The following NFKB1 variants were observed in gnomAD, a reference collection of about 807,000 sequenced individuals.
NFKB1 encodes nuclear factor kappa B subunit 1.
Under a neutral mutation model 105.1 loss-of-function variants are expected in NFKB1, and 9 were observed. That is an observed-to-expected ratio of 0.09 (90% CI 0.05 to 0.15). The LOEUF (loss-of-function observed/expected upper bound fraction) is 0.15. NFKB1 is among the 10% of genes least tolerant of loss of function. NFKB1 has a pLI of 1.00. For missense variants in NFKB1, 830 were observed against 1,203.7 expected (o/e 0.69, Z 4.59); for synonymous variants, 440 against 442.2 (o/e 1.00, Z 0.06).
intron 1 of NFKB1, 30 bp from the exon 2 acceptor site, chr4:102,525,482 A>G (rs750656154): frequency 1.6e-5 from 25 of 1,602,392 alleles, no homozygotes; most frequent in Non-Finnish European, 6.0e-6. Flanking sequence ...CTAGTGTTAC[A>G]GTTTTGTTTT....
chr4:102,613,692 A>C, intron 23 of NFKB1, 111 bp downstream of exon 23: 17 of 1,274,448 alleles, frequency 1.3e-5, no homozygotes, highest in Non-Finnish European at 1.6e-5. Context: ...TTCTGGATAC[A>C]CTTCCCTGTG....
At chr4:102,584,258 T>G (rs1241193900) in intron 10 of NFKB1, among the ~76,000 whole-genome samples, 1 of 152,132 alleles carries the variant, frequency 6.6e-6, no homozygotes, top group Non-Finnish European at 1.5e-5. Context: ...AATGTTTAGT[T>G]TCTTCTCTTC....
intron 1 of NFKB1, among the ~76,000 whole-genome samples, chr4:102,506,235 A>G (rs1017086570): frequency 1.3e-5 from 2 of 152,226 alleles, no homozygotes; most frequent in African/African-American, 4.8e-5. Context: ...TGTACACTCC[A>G]TTGAAACTGT....
At chr4:102,568,727 G>C (rs1724075239) in intron 6 of NFKB1, among the ~76,000 whole-genome samples, 1 of 152,144 alleles carries the variant, frequency 6.6e-6, no homozygotes, top group African/African-American at 2.4e-5. Context: ...ATTTTAGAAA[G>C]AACTAATGGT....
At chr4:102,612,340 G>A in intron 21 of NFKB1, 94 bp from the exon 22 acceptor site, 2 of 1,348,820 alleles carry the variant, frequency 1.5e-6, no homozygotes, top group Non-Finnish European at 2.1e-6. Context: ...TGGTTCCACT[G>A]GGAGTTGGAC....
rs1039242488 is a variant in NFKB1, at chr4:102,501,680, C to G, written c.-116C>G. The G allele has an allele frequency of 4.6e-5, 7 of 151,792 alleles. No individual in the cohort carries two copies. The highest frequency in any genetic ancestry group is 1.7e-4 in the African/African-American group (7 of 41,344). 9.4% of individuals were successfully genotyped at this position (151,792 alleles called of 1,614,324 possible). A position where few individuals can be genotyped will look rare whatever the true frequency, so the allele number is the denominator to read the frequency against. ...CGCCCCGACCCGCACTCGGGCCCGCCCGGGCTCCGGCCTGCCGCCGCCTCT... is the reference window on the plus strand; with the variant it reads ...CGCCCCGACCCGCACTCGGGCCCGCGCGGGCTCCGGCCTGCCGCCGCCTCT... On this transcript the variant is annotated 5_prime_UTR_variant, in exon 1 of 24. Coordinates refer to ENST00000226574, the MANE Select transcript of NFKB1 (RefSeq NM_003998.4).
intron 1 of NFKB1, among the ~76,000 whole-genome samples, chr4:102,520,333 T>G (rs1740482978): frequency 6.6e-6 from 1 of 152,254 alleles, no homozygotes; most frequent in African/African-American, 2.4e-5. Flanking sequence ...CAAACATATA[T>G]TGCTTATTAT....
Position 102,574,125 on chromosome 4 carries a change from CT to C in NFKB1, c.408-2732del, listed in dbSNP as rs56977004. 7.0e-3 allele frequency among the ~76,000 whole-genome samples: 657 copies of C among 93,250 alleles called. 5 individuals are homozygous for C. Among genetic ancestry groups the C allele is most frequent in the Non-Finnish European group, 0.011 (521 of 48,906 alleles). 61.2% of individuals were successfully genotyped at this position (93,250 alleles called of 152,430 possible). On this transcript the variant is annotated intron_variant, in intron 6 of 23. Coordinates refer to ENST00000226574, the MANE Select transcript of NFKB1 (RefSeq NM_003998.4). Reference sequence around the variant, plus strand: ...TTTTGTATCGTTAAGTCTTGGATTCCTTTTTTTTTTTTTTTTTTTGATGTGC... The same window carrying C: ...TTTTGTATCGTTAAGTCTTGGATTCCTTTTTTTTTTTTTTTTTTGATGTGC...
Position 102,594,962 on chromosome 4 carries a change from T to TA in NFKB1, c.1283dup (p.Asn428LysfsTer12). 1 of 1,608,646 alleles carries TA rather than the reference T, an allele frequency of 6.2e-7. No individual in the cohort carries two copies. The highest frequency in any genetic ancestry group is 2.2e-5 in the East Asian group (1 of 44,856). Reference sequence around the variant, plus strand: ...CTTTCCATCCTGGAACTACTAAATCTAATGCTGGGATGAAGCATGGTAAGT... The same window carrying TA: ...CTTTCCATCCTGGAACTACTAAATCTAAATGCTGGGATGAAGCATGGTAAGT... On this transcript the variant is annotated frameshift_variant, in exon 13 of 24. Coordinates refer to ENST00000226574, the MANE Select transcript of NFKB1 (RefSeq NM_003998.4). LOFTEE classifies it high-confidence loss of function.
intron 1 of NFKB1, among the ~76,000 whole-genome samples, chr4:102,521,853 G>A (rs1740596199): frequency 6.6e-6 from 1 of 152,198 alleles, no homozygotes; most frequent in Middle Eastern, 3.2e-3. Context: ...TAAGCTAGTT[G>A]TAACATTATG....
In NFKB1 at chr4:102,548,897, A is replaced by C. The variant is rs535024127; in HGVS notation, c.258+10941A>C. ...CCATAACCCTATGTGACCTCATCTTAACTAATCATAATTGCAACGACCCCA... is the reference window on the plus strand; with the variant it reads ...CCATAACCCTATGTGACCTCATCTTCACTAATCATAATTGCAACGACCCCA... On this transcript the variant is annotated intron_variant, in intron 5 of 23. Coordinates refer to ENST00000226574, the MANE Select transcript of NFKB1 (RefSeq NM_003998.4). Among the ~76,000 whole-genome samples the C allele has an allele frequency of 2.8e-4, 43 of 152,170 alleles. No homozygotes were observed. In the South Asian group the frequency reaches 8.5e-3, roughly 30 times the overall value.
intron 1 of NFKB1, chr4:102,502,249 C>T (rs1252231889): frequency 3.3e-5 from 5 of 152,420 alleles, no homozygotes; most frequent in Admixed American, 6.5e-5. Flanking sequence ...TGTCAGTCCT[C>T]TTGGCTGGGA....
At chr4:102,529,178 G>C (rs1741115101) in intron 2 of NFKB1, among the ~76,000 whole-genome samples, 1 of 152,154 alleles carries the variant, frequency 6.6e-6, no homozygotes, top group South Asian at 2.1e-4. Flanking sequence ...TTAGGATGCA[G>C]ACATGTTTAG....
intron 5 of NFKB1, among the ~76,000 whole-genome samples, chr4:102,562,380 A>G (rs540891060): frequency 1.3e-5 from 2 of 151,928 alleles, no homozygotes; most frequent in South Asian, 4.2e-4. Context: ...TGTCAGTCCC[A>G]CTCTTTAATT....
At chr4:102,505,909 A>AGGAACAAAAATTAC in intron 1 of NFKB1, among the ~76,000 whole-genome samples, 1 of 152,300 alleles carries the variant, frequency 6.6e-6, no homozygotes. Flanking sequence ...ATCTTCTATA[A>AGGAACAAAAATTAC]GGAACAAAAA....
intron 19 of NFKB1, among the ~76,000 whole-genome samples, chr4:102,609,092 G>T (rs1033535700): frequency 6.8e-6 from 1 of 146,182 alleles, no homozygotes; most frequent in Non-Finnish European, 1.5e-5. Flanking sequence ...GTTCAAGGGT[G>T]CAGTGAGCTA....
intron 5 of NFKB1, among the ~76,000 whole-genome samples, chr4:102,542,599 G>T (rs551109827): frequency 7.9e-5 from 12 of 152,094 alleles, no homozygotes; most frequent in Admixed American, 1.3e-4. Flanking sequence ...TCTTAGGTAA[G>T]CTGCTACTCT....
At chr4:102,514,051 T>G (rs1739960811) in intron 1 of NFKB1, among the ~76,000 whole-genome samples, 1 of 151,632 alleles carries the variant, frequency 6.6e-6, no homozygotes, top group Non-Finnish European at 1.5e-5. Context: ...GGTGGGCGCC[T>G]GTAGTCCCAG....
rs182710040 is a variant in NFKB1, at chr4:102,513,902, G to A, written c.-7-11610G>A. 4.8e-3 allele frequency among the ~76,000 whole-genome samples: 737 copies of A among 152,116 alleles called. 7 individuals are homozygous for A. The highest frequency in any genetic ancestry group is 0.01 in the Middle Eastern group (3 of 294). On this transcript the variant is annotated intron_variant, in intron 1 of 23. Transcript: ENST00000226574. ...ATAATGTGGACTCTGGGCCGGGCGCGGTGGCTCACGGCTGTAATCCTAGCA... is the reference window on the plus strand; with the variant it reads ...ATAATGTGGACTCTGGGCCGGGCGCAGTGGCTCACGGCTGTAATCCTAGCA...
Sources: allele counts gnomAD v4.1 joint callset (sites outside exome capture counted in the v4.1 genomes callset), GRCh38; gene constraint gnomAD v4.1.1; transcripts MANE v1.5; gene names NCBI Gene and HGNC (gene_info 2026-07-23, HGNC 2026-07-21).